The following CDH13 variants were observed in gnomAD, a reference collection of about 807,000 sequenced individuals.
CDH13 encodes the protein cadherin-13.
A neutral mutation model predicts 63.8 loss-of-function variants in CDH13; 24 were observed. The ratio of observed to expected loss-of-function variants is 0.38; its 90% confidence interval spans 0.27 to 0.53. The LOEUF (loss-of-function observed/expected upper bound fraction) is 0.53, where lower values mean the gene tolerates loss of function less well. Ranked by LOEUF, CDH13 falls within the 20% of genes least tolerant of loss-of-function variation. The probability of loss-of-function intolerance (pLI) is 0.85; values close to 1 mark genes in which losing one functional copy is unlikely to be tolerated. For synonymous variants in CDH13, 503 were observed against 355.3 expected, an observed-to-expected ratio of 1.42 and a Z score of -4.67; for missense variants, 1,049 against 903.1, an observed-to-expected ratio of 1.16 and a Z score of -2.07.
intron 6 of CDH13, among the ~76,000 whole-genome samples, chr16:83,484,000 C>T (rs2073831539): frequency 6.6e-6 from 1 of 152,108 alleles, no homozygotes; most frequent in Admixed American, 6.5e-5. Flanking sequence ...GCCCTGAGAC[C>T]ATCTCACAGG....
At chr16:83,527,412 G>A (rs2074989222) in intron 7 of CDH13, among the ~76,000 whole-genome samples, 1 of 151,720 alleles carries the variant, frequency 6.6e-6, no homozygotes. Context: ...TCTGGCCACT[G>A]CACTCCAGCC....
rs78236245 is a variant in CDH13, at chr16:83,454,118, C to G, written c.782-32359C>G. Among the ~76,000 whole-genome samples, 1,268 of 152,294 alleles carry G rather than the reference C, an allele frequency of 8.3e-3. 14 individuals are homozygous for G. Among genetic ancestry groups the G allele is most frequent in the Non-Finnish European group, 0.013 (862 of 68,030 alleles). ...GTTCCGTGAAACACTAGGAGATTCT[C>G]CAAAAGAAGCCTCAGTTAGCAACTG... On this transcript the variant is annotated intron_variant, in intron 6 of 13. Transcript: ENST00000567109.
chr16:83,497,029 G>T (rs1421368470), intron 7 of CDH13, among the ~76,000 whole-genome samples: 2 of 152,222 alleles, frequency 1.3e-5, no homozygotes, highest in African/African-American at 2.4e-5. Flanking sequence ...TGGAGAGGAT[G>T]TGGAGAAATA....
intron 1 of CDH13, among the ~76,000 whole-genome samples, chr16:82,646,491 G>A (rs996899992): frequency 9.2e-5 from 14 of 152,158 alleles, no homozygotes; most frequent in Non-Finnish European, 7.3e-5. Context: ...ACCGCGCCTG[G>A]CCTAAGCACA....
intron 3 of CDH13, among the ~76,000 whole-genome samples, chr16:83,094,191 A>C (rs2034075390): frequency 6.6e-6 from 1 of 152,216 alleles, no homozygotes; most frequent in Non-Finnish European, 1.5e-5. Context: ...GCTCCCAGGC[A>C]AGGCCAACAA....
chr16:82,999,354 C>T (rs1912607852), intron 2 of CDH13, among the ~76,000 whole-genome samples: 1 of 152,148 alleles, frequency 6.6e-6, no homozygotes, highest in African/African-American at 2.4e-5. Flanking sequence ...TGTTGTATGA[C>T]AAACTCCCAA....
chr16:83,114,873 C>T (rs1291813320), intron 3 of CDH13, among the ~76,000 whole-genome samples: 3 of 152,216 alleles, frequency 2.0e-5, no homozygotes, highest in African/African-American at 7.2e-5. Context: ...TAGCACAGAA[C>T]TGTCCTCCTA....
chr16:83,042,942 A>C (rs1917453562), intron 3 of CDH13, among the ~76,000 whole-genome samples: 1 of 152,240 alleles, frequency 6.6e-6, no homozygotes, highest in Admixed American at 6.5e-5. Flanking sequence ...GATAACTTCA[A>C]AAAACCTGTG....
At chr16:83,446,690 A>G (rs1276396752) in intron 6 of CDH13, among the ~76,000 whole-genome samples, 1 of 152,154 alleles carries the variant, frequency 6.6e-6, no homozygotes, top group Non-Finnish European at 1.5e-5. Context: ...CTTCCCTGTA[A>G]TTAATTTAAA....
At chr16:83,696,550 C>G (rs1214120893) in intron 10 of CDH13, among the ~76,000 whole-genome samples, 1 of 152,198 alleles carries the variant, frequency 6.6e-6, no homozygotes, top group South Asian at 2.1e-4. Flanking sequence ...AGGGAGAATT[C>G]TTAGGCAAGT....
intron 5 of CDH13, among the ~76,000 whole-genome samples, chr16:83,301,414 T>C (rs1432738238): frequency 2.0e-5 from 3 of 152,144 alleles, no homozygotes; most frequent in Non-Finnish European, 4.4e-5. Flanking sequence ...TTTCAGGCTG[T>C]GCCGTGCTGG....
intron 1 of CDH13, among the ~76,000 whole-genome samples, chr16:82,808,107 A>G (rs573664492): frequency 3.3e-5 from 5 of 152,306 alleles, no homozygotes; most frequent in Admixed American, 3.3e-4. Context: ...TAACTAGCTC[A>G]GTGAGCCTGG....
intron 1 of CDH13, among the ~76,000 whole-genome samples, chr16:82,847,705 A>G (rs893964541): frequency 2.0e-5 from 3 of 152,144 alleles, no homozygotes; most frequent in Admixed American, 6.6e-5. Flanking sequence ...ACTACTGTCT[A>G]TTCTGTTTGC....
chr16:82,683,878 G>A (rs964423490), intron 1 of CDH13, among the ~76,000 whole-genome samples: 1 of 152,166 alleles, frequency 6.6e-6, no homozygotes, highest in African/African-American at 2.4e-5. Context: ...CGATGGTTTT[G>A]TTTTCTGTGT....
intron 1 of CDH13, among the ~76,000 whole-genome samples, chr16:82,799,302 G>T (rs2036738735): frequency 1.3e-5 from 2 of 152,188 alleles, no homozygotes; most frequent in Middle Eastern, 3.2e-3. Flanking sequence ...AGTTGGTCTT[G>T]AAATATTGTA....
intron 13 of CDH13, among the ~76,000 whole-genome samples, chr16:83,794,174 C>G (rs1163296949): frequency 2.0e-5 from 3 of 152,210 alleles, no homozygotes; most frequent in Admixed American, 1.3e-4. Flanking sequence ...AGTCTTCTGA[C>G]TTCCAGAACT....
At chr16:83,181,309 C>T (rs1346123290) in intron 4 of CDH13, among the ~76,000 whole-genome samples, 4 of 152,164 alleles carry the variant, frequency 2.6e-5, no homozygotes, top group Non-Finnish European at 5.9e-5. Context: ...AAGCGAATTC[C>T]CATCCTCACC....
At chr16:82,882,705 A>T (rs1276679763) in intron 2 of CDH13, among the ~76,000 whole-genome samples, 1 of 151,946 alleles carries the variant, frequency 6.6e-6, no homozygotes, top group Non-Finnish European at 1.5e-5. Context: ...TTTTAGAAAA[A>T]ACAAACCTAA....
At chr16:83,376,467 G>C (rs753655795) in intron 6 of CDH13, among the ~76,000 whole-genome samples, 1 of 152,186 alleles carries the variant, frequency 6.6e-6, no homozygotes, top group Non-Finnish European at 1.5e-5. Context: ...GAAATAAATA[G>C]ATAGCTAGTA....
Sources: allele counts gnomAD v4.1 joint callset (sites outside exome capture counted in the v4.1 genomes callset), GRCh38; gene constraint gnomAD v4.1.1; transcripts MANE v1.5; gene names NCBI Gene and HGNC (gene_info 2026-07-23, HGNC 2026-07-21).